Variants in CERS6 observed in about 807,000 individuals in gnomAD.
CERS6 encodes ceramide synthase 6.
Under a neutral mutation model 56.8 loss-of-function variants are expected in CERS6, and 26 were observed. That is an observed-to-expected ratio of 0.46 (90% CI 0.34 to 0.63). CERS6 has a LOEUF of 0.63. CERS6 is among the 30% of genes least tolerant of loss of function. The probability of loss-of-function intolerance (pLI) is 0.01; values close to 1 mark genes in which losing one functional copy is unlikely to be tolerated. For missense variants in CERS6, 415 were observed against 467.5 expected, an observed-to-expected ratio of 0.89 and a Z score of 1.04; for synonymous variants, 164 against 173.3, an observed-to-expected ratio of 0.95 and a Z score of 0.42.
intron 1 of CERS6, among the ~76,000 whole-genome samples, chr2:168,494,730 C>A (rs1694433745): frequency 6.6e-6 from 1 of 152,080 alleles, no homozygotes; most frequent in Non-Finnish European, 1.5e-5. Flanking sequence ...TGGTGGCAGG[C>A]TGGACAGGAG....
intron 8 of CERS6, among the ~76,000 whole-genome samples, chr2:168,732,195 T>C (rs1683559467): frequency 6.6e-6 from 1 of 152,198 alleles, no homozygotes; most frequent in Non-Finnish European, 1.5e-5. Context: ...AATTCCCTAC[T>C]CTCAGTAGCA....
intron 8 of CERS6, among the ~76,000 whole-genome samples, chr2:168,719,301 A>T (rs1386780339): frequency 2.0e-5 from 3 of 152,290 alleles, no homozygotes; most frequent in South Asian, 2.1e-4. Context: ...CATTTACTGG[A>T]CATAGGTAAT....
At chr2:168,649,377 A>G (rs1027492546) in intron 4 of CERS6, among the ~76,000 whole-genome samples, 1 of 152,118 alleles carries the variant, frequency 6.6e-6, no homozygotes, top group African/African-American at 2.4e-5. Flanking sequence ...AAAATACTCC[A>G]TCTCAGCGTG....
At chr2:168,552,866 G>A (rs968998824) in intron 2 of CERS6, among the ~76,000 whole-genome samples, 1 of 152,200 alleles carries the variant, frequency 6.6e-6, no homozygotes, top group Admixed American at 6.5e-5. Flanking sequence ...ACAATAAAAA[G>A]AAAGTATAGC....
chr2:168,529,231 C>T (rs768675093), intron 1 of CERS6, among the ~76,000 whole-genome samples: 1 of 152,192 alleles, frequency 6.6e-6, no homozygotes, highest in African/African-American at 2.4e-5. Context: ...CTGTTGTTCT[C>T]AGTCATCCTC....
intron 1 of CERS6, among the ~76,000 whole-genome samples, chr2:168,462,749 A>T (rs952129191): frequency 7.9e-5 from 12 of 152,040 alleles, no homozygotes; most frequent in Admixed American, 1.3e-4. Context: ...TTTGTTGTCC[A>T]GGCTAGTCTC....
At chr2:168,746,789 A>G (rs1339549556) in intron 8 of CERS6, among the ~76,000 whole-genome samples, 18 of 84,736 alleles carry the variant, frequency 2.1e-4, no homozygotes, top group African/African-American at 8.6e-4. Flanking sequence ...ATATATATAT[A>G]TATATATATA....
chr2:168,512,456 T>C (rs984452555), intron 1 of CERS6, among the ~76,000 whole-genome samples: 6 of 152,182 alleles, frequency 3.9e-5, no homozygotes, highest in Non-Finnish European at 8.8e-5. Flanking sequence ...TTTTGTTGTA[T>C]ATCCTGAGAT....
chr2:168,647,582 C>G (rs1173353229), intron 4 of CERS6, among the ~76,000 whole-genome samples: 1 of 152,108 alleles, frequency 6.6e-6, no homozygotes, highest in African/African-American at 2.4e-5. Flanking sequence ...AGATCCTTGT[C>G]TTGTGCCAGT....
At chr2:168,527,860 A>G (rs1039023041) in intron 1 of CERS6, among the ~76,000 whole-genome samples, 1 of 152,090 alleles carries the variant, frequency 6.6e-6, no homozygotes, top group Non-Finnish European at 1.5e-5. Flanking sequence ...AGCTGGGACT[A>G]CAGGTGTGCA....
chr2:168,604,260 G>C (rs539462986), intron 3 of CERS6, among the ~76,000 whole-genome samples: 2 of 152,140 alleles, frequency 1.3e-5, no homozygotes, highest in Non-Finnish European at 2.9e-5. Context: ...TACTTGAAAG[G>C]TTATGCTTTT....
chr2:168,458,344 C>G (rs1355522067), intron 1 of CERS6, among the ~76,000 whole-genome samples: 1 of 152,186 alleles, frequency 6.6e-6, no homozygotes, highest in Non-Finnish European at 1.5e-5. Context: ...TCCTGACATC[C>G]TCCTTCTCTA....
At chr2:168,640,287 C>A (rs890017976) in intron 4 of CERS6, among the ~76,000 whole-genome samples, 7 of 152,194 alleles carry the variant, frequency 4.6e-5, no homozygotes, top group Non-Finnish European at 1.0e-4. Context: ...CTATAGCTGC[C>A]ATACAAAGCA....
chr2:168,693,187 T>C (rs1686549235), intron 5 of CERS6, among the ~76,000 whole-genome samples: 1 of 152,166 alleles, frequency 6.6e-6, no homozygotes, highest in African/African-American at 2.4e-5. Context: ...TCACTAGCTA[T>C]GAGACCTAGG....
At position 168,770,918 on chromosome 2, in the gene CERS6, T is replaced by C. The variant is rs1372780844; in HGVS notation, c.*1256T>C. The C allele has an allele frequency of 6.6e-6, 1 of 152,172 alleles. No individual in the cohort carries two copies. Among genetic ancestry groups the C allele is most frequent in the African/African-American group, 2.4e-5 (1 of 41,450 alleles). 9.4% of individuals were successfully genotyped at this position (152,172 alleles called of 1,614,324 possible). A position where few individuals can be genotyped will look rare whatever the true frequency, so the allele number is the denominator to read the frequency against. On this transcript the variant is annotated 3_prime_UTR_variant, in exon 10 of 10. Coordinates refer to ENST00000305747, the MANE Select transcript of CERS6 (RefSeq NM_203463.3). ...AAAAATGAAAAATTCTATTGGACAA[T>C]GGCAATATCAACAATGAGGAAAATT... is the stretch of plus-strand genomic sequence containing the variant.
intron 6 of CERS6, among the ~76,000 whole-genome samples, chr2:168,703,330 G>A (rs1280720198): frequency 2.6e-5 from 4 of 152,170 alleles, no homozygotes; most frequent in African/African-American, 9.7e-5. Flanking sequence ...GACGAGGCAG[G>A]CGGATCACTT....
chr2:168,676,964 G>A (rs1208367401), intron 4 of CERS6, among the ~76,000 whole-genome samples: 1 of 150,924 alleles, frequency 6.6e-6, no homozygotes, highest in Non-Finnish European at 1.5e-5. Flanking sequence ...CTAAGCCTCC[G>A]GCAGTTTTAC....
rs574047407 is a variant in CERS6, at chr2:168,773,407, T to C, written c.*3745T>C. The C allele has an allele frequency of 6.6e-6, 1 of 152,248 alleles. No homozygotes were observed. Among genetic ancestry groups the C allele is most frequent in the Admixed American group, 6.5e-5 (1 of 15,286 alleles). 9.4% of individuals were successfully genotyped at this position (152,248 alleles called of 1,614,324 possible). On this transcript the variant is annotated 3_prime_UTR_variant, in exon 10 of 10. Coordinates refer to ENST00000305747, the MANE Select transcript of CERS6 (RefSeq NM_203463.3). Reference sequence around the variant, plus strand: ...TGTGGTATTTCAGGTCTTCAGGTTCTGATTAGCTTACTTTTTTCCTTTGTC... The same window carrying C: ...TGTGGTATTTCAGGTCTTCAGGTTCCGATTAGCTTACTTTTTTCCTTTGTC...
intron 1 of CERS6, among the ~76,000 whole-genome samples, chr2:168,522,876 A>G (rs553083037): frequency 6.6e-6 from 1 of 152,278 alleles, no homozygotes; most frequent in South Asian, 2.1e-4. Flanking sequence ...AGGGAGAGAA[A>G]ATGGTGGCAA....
Sources: gnomAD v4.1 joint callset for allele counts (sites outside exome capture counted in the v4.1 genomes callset) on GRCh38, gnomAD v4.1.1 for gene constraint, MANE v1.5 for transcripts, NCBI Gene and HGNC (gene_info 2026-07-23, HGNC 2026-07-21) for gene names.